The following DYSF variants were observed in gnomAD, a reference collection of about 807,000 sequenced individuals.
The protein encoded by DYSF is dystrophy-associated fer-1-like 1.
In DYSF, 212 loss-of-function variants were observed where a neutral mutation model predicts 274.9. The observed-to-expected ratio is 0.77, with a 90% confidence interval of 0.69 to 0.86. The LOEUF is 0.86. Among genes scored for constraint, DYSF ranks in the 40% least tolerant of loss-of-function variants. The probability of loss-of-function intolerance (pLI) is 0.00; values close to 1 mark genes in which losing one functional copy is unlikely to be tolerated. For missense variants in DYSF, 2,666 were observed against 2,783.2 expected (o/e 0.96, Z 0.95); for synonymous variants, 1,091 against 1,078.7 (o/e 1.01, Z -0.22).
At position 71,665,170 on chromosome 2, in the gene DYSF, C is replaced by A. The variant is rs542182076; in HGVS notation, c.5183C>A (p.Pro1728Gln). The change falls in exon 47 of 56, where the codon CCG (proline) becomes CAG (glutamine). Residue 1728 changes from proline to glutamine, a missense_variant. Physicochemically the swap from Pro to Gln is moderately conservative, Grantham distance 76. This residue lies in a region of DYSF where 1,460 missense variants were observed against 1,502.1 expected (regional missense o/e 0.97). Coordinates refer to ENST00000410020, the MANE Select transcript of DYSF (RefSeq NM_001130987.2). ...TTGTGCTTGCTCCTCAGCTCTGGAC[C>A]GAACCAGTGGCGGGACCAGCTCCGC... ...GLPQTYCVSG[P>Q]NQWRDQLRPS... is the part of the protein sequence containing the mutation. 1.2e-6 allele frequency: 2 copies of A among 1,613,922 alleles called. No homozygotes were observed. Among genetic ancestry groups the A allele is most frequent in the Non-Finnish European group, 1.7e-6 (2 of 1,180,038 alleles).
intron 7 of DYSF, 108 bp downstream of exon 7, chr2:71,514,029 C>T (rs2086386845): frequency 7.7e-7 from 1 of 1,297,652 alleles, no homozygotes; most frequent in South Asian, 1.3e-5. Flanking sequence ...GTGTGGGATC[C>T]TCAGGGCCCT....
chr2:71,571,408 G>GCA (rs1372860901), intron 29 of DYSF, among the ~76,000 whole-genome samples: 117 of 109,986 alleles, frequency 1.1e-3, no homozygotes, highest in Admixed American at 1.5e-3. Context: ...ATCACACCCA[G>GCA]CACACACAGA....
intron 14 of DYSF, 97 bp from the exon 15 acceptor site, chr2:71,534,924 G>A: frequency 7.5e-7 from 1 of 1,338,546 alleles, no homozygotes; most frequent in Non-Finnish European, 1.1e-6. Context: ...AGGGCAGCCA[G>A]CATGGCAGAG....
At chr2:71,553,760 C>A (rs369208060) in intron 20 of DYSF, 47 bp from the exon 21 acceptor site, 14 of 1,457,422 alleles carry the variant, frequency 9.6e-6, no homozygotes, top group East Asian at 5.3e-5. Context: ...CCATCCCACC[C>A]GCCCTCCACT....
At chr2:71,566,108 C>CT (rs2092085430) in intron 24 of DYSF, among the ~76,000 whole-genome samples, 1 of 151,962 alleles carries the variant, frequency 6.6e-6, no homozygotes, top group African/African-American at 2.4e-5. Context: ...AGCCTAACCT[C>CT]TGAGAGTCTA....
chr2:71,567,828 C>A lies in DYSF; in HGVS notation c.2566-123C>A. On this transcript the variant is annotated intron_variant, in intron 24 of 55. Coordinates refer to ENST00000410020, the MANE Select transcript of DYSF (RefSeq NM_001130987.2). ...TTCTGGTAAGCGCTCCCACAGGGGA[C>A]ACTCCCAGTGAGGGTGTCAGCCTGC... 2.1e-6 allele frequency: 3 copies of A among 1,407,964 alleles called. No homozygotes were observed. In the South Asian group the frequency reaches 4.0e-5, roughly 19 times the overall value. 87.2% of individuals were successfully genotyped at this position (1,407,964 alleles called of 1,614,324 possible).
chr2:71,526,099 G>C (rs1238200618), intron 12 of DYSF, 121 bp from the exon 13 acceptor site: 2 of 1,559,970 alleles, frequency 1.3e-6, no homozygotes, highest in Admixed American at 1.7e-5. Context: ...AAGTGTCGGA[G>C]CGCAGTCTGC....
rs1553420760 is a variant in DYSF at position 71,679,123 on chromosome 2, A to G, written c.5951A>G (p.Asp1984Gly). The G allele has an allele frequency of 1.2e-6, 2 of 1,613,964 alleles. No individual in the cohort carries two copies. ...AAGACAGCCAAGAAGTGCTCCTTGG[A>G]CCAGCTGGATGATGCTTTCCACCCA... Reference protein sequence around the residue: ...PAKTAKKCSLDQLDDAFHPEW... With the variant: ...PAKTAKKCSLGQLDDAFHPEW... Residue 1984 changes from aspartate (D) to glycine (G), a missense_variant, in exon 53 of 56, where the codon GAC becomes GGC. Coordinates refer to ENST00000410020, the MANE Select transcript of DYSF (RefSeq NM_001130987.2).
chr2:71,522,467 C>T (rs1433715571), intron 12 of DYSF, among the ~76,000 whole-genome samples: 9 of 152,070 alleles, frequency 5.9e-5, no homozygotes, highest in Admixed American at 4.6e-4. Context: ...CTGTCTCCTC[C>T]CTTAGTATTC....
exon 1 of DYSF, chr2:71,453,753 G>A: frequency 7.0e-6 from 4 of 570,404 alleles, no homozygotes; most frequent in Non-Finnish European, 1.3e-5. Context: ...CCCTGTTCTC[G>A]GAACGCCGGC....
chr2:71,487,842 A>G (rs1573456070), intron 3 of DYSF, among the ~76,000 whole-genome samples: 1 of 152,102 alleles, frequency 6.6e-6, no homozygotes, highest in East Asian at 1.9e-4. Context: ...ATTGCTCTCA[A>G]TTTTTCCATG....
chr2:71,600,539 G>A (rs2093524521), intron 33 of DYSF, among the ~76,000 whole-genome samples, 163 bp from the exon 34 acceptor site: 1 of 152,214 alleles, frequency 6.6e-6, no homozygotes, highest in African/African-American at 2.4e-5. Context: ...TTTTGTCCTT[G>A]AGTCCTGCTA....
chr2:71,644,846 G>T (rs969004258), intron 42 of DYSF, among the ~76,000 whole-genome samples: 1 of 152,208 alleles, frequency 6.6e-6, no homozygotes, highest in Non-Finnish European at 1.5e-5. Context: ...ACAATGAATA[G>T]TTTTTTAATA....
rs780942958 is a variant in DYSF, at chr2:71,539,272, CCT to C, written c.1576+34_1576+35del. On this transcript the variant is annotated intron_variant, in intron 17 of 55. Coordinates refer to ENST00000410020, the MANE Select transcript of DYSF (RefSeq NM_001130987.2). ...CCCTCTTCGTTCTGCCCTTTGACCC[CCT>C]GTGCTCTCCCCCGTACCCCCTCTAT... is the stretch of plus-strand genomic sequence containing the variant. 1.5e-5 allele frequency: 23 copies of C among 1,584,694 alleles called. No homozygotes were observed. In the East Asian group the frequency reaches 4.2e-4, roughly 29 times the overall value.
At chr2:71,465,588 G>A (rs892368412), upstream of DYSF, among the ~76,000 whole-genome samples, 5 of 152,200 alleles carry the variant, frequency 3.3e-5, no homozygotes, top group Admixed American at 1.3e-4. Context: ...TGGAGGAGGC[G>A]GAGTTGGATT....
At chr2:71,632,862 C>A (rs1210591940) in intron 41 of DYSF, among the ~76,000 whole-genome samples, 1 of 152,200 alleles carries the variant, frequency 6.6e-6, no homozygotes, top group Non-Finnish European at 1.5e-5. Flanking sequence ...TCTGTGAGTC[C>A]CCCATCTGGT....
intron 3 of DYSF, among the ~76,000 whole-genome samples, chr2:71,484,135 C>G (rs1197673886): frequency 6.7e-6 from 1 of 149,112 alleles, no homozygotes. Context: ...TCACTGCAAC[C>G]TCCACCTCCC....
At chr2:71,532,758 C>T (rs1400432024) in intron 14 of DYSF, among the ~76,000 whole-genome samples, 3 of 152,102 alleles carry the variant, frequency 2.0e-5, no homozygotes, top group Admixed American at 2.0e-4. Context: ...CAGAGCTGCT[C>T]AGCTGGGTCT....
At chr2:71,468,260 C>T (rs955050782) in intron 1 of DYSF, among the ~76,000 whole-genome samples, 22 of 152,312 alleles carry the variant, frequency 1.4e-4, no homozygotes, top group Non-Finnish European at 3.1e-4. Context: ...GGGCAGGGCA[C>T]ACATTAGCAT....
Sources: gnomAD v4.1 joint callset for allele counts (sites outside exome capture counted in the v4.1 genomes callset) on GRCh38, gnomAD v4.1.1 for gene constraint, gnomAD v4.1.1 regional missense constraint, MANE v1.5 for transcripts, NCBI Gene and HGNC (gene_info 2026-07-23, HGNC 2026-07-21) for gene names.